The following EYS variants were observed in gnomAD, a reference collection of about 807,000 sequenced individuals.
EYS encodes the protein protein eyes shut homolog.
In EYS, 250 loss-of-function variants were observed where a neutral mutation model predicts 282.1. That is an observed-to-expected ratio of 0.89 (90% CI 0.80 to 0.98). The LOEUF (loss-of-function observed/expected upper bound fraction) is 0.98, where lower values mean the gene tolerates loss of function less well. Among genes scored for constraint, EYS ranks in the 50% least tolerant of loss-of-function variants. EYS has a pLI of 0.00. For missense variants in EYS, 4,016 were observed against 3,709.0 expected, an observed-to-expected ratio of 1.08 and a Z score of -2.15; for synonymous variants, 1,355 against 1,282.9, an observed-to-expected ratio of 1.06 and a Z score of -1.20.
intron 7 of EYS, among the ~76,000 whole-genome samples, chr6:65,387,955 T>C (rs1443635446): frequency 6.6e-6 from 1 of 152,048 alleles, no homozygotes; most frequent in East Asian, 1.9e-4. Context: ...CCTATTCCGC[T>C]ACTTGGGCAA....
At chr6:64,660,681 G>A (rs1768975748) in intron 22 of EYS, among the ~76,000 whole-genome samples, 1 of 152,060 alleles carries the variant, frequency 6.6e-6, no homozygotes, top group Admixed American at 6.5e-5. Flanking sequence ...AATTTACAAG[G>A]GATGTGAAGG....
At chr6:63,943,238 C>G (rs1765295845) in intron 35 of EYS, among the ~76,000 whole-genome samples, 1 of 152,184 alleles carries the variant, frequency 6.6e-6, no homozygotes, top group South Asian at 2.1e-4. Flanking sequence ...AAAGACAAGA[C>G]TCTCCAAATA....
intron 22 of EYS, among the ~76,000 whole-genome samples, chr6:64,797,167 G>T (rs1774378662): frequency 6.6e-6 from 1 of 152,032 alleles, no homozygotes. Context: ...GCAGAGTTTG[G>T]CAGCAAACAA....
chr6:64,057,200 A>T (rs1400437956), intron 33 of EYS, among the ~76,000 whole-genome samples: 3 of 152,166 alleles, frequency 2.0e-5, no homozygotes, highest in African/African-American at 7.2e-5. Context: ...TAAATCTTTT[A>T]AAAAGCATTA....
chr6:64,560,063 T>A (rs1445156055), intron 26 of EYS, among the ~76,000 whole-genome samples: 3 of 152,172 alleles, frequency 2.0e-5, no homozygotes, highest in Non-Finnish European at 4.4e-5. Context: ...AAAGTTAGCA[T>A]AAAATTTGTG....
chr6:64,288,118 G>T (rs1768562860), intron 30 of EYS, among the ~76,000 whole-genome samples: 1 of 152,104 alleles, frequency 6.6e-6, no homozygotes, highest in South Asian at 2.1e-4. Context: ...GCATTTCATG[G>T]ATTGACAACT....
At chr6:64,698,191 C>T (rs1479770556) in intron 22 of EYS, among the ~76,000 whole-genome samples, 2 of 151,808 alleles carry the variant, frequency 1.3e-5, no homozygotes, top group East Asian at 3.9e-4. Context: ...AAAAGCAGTG[C>T]TAAGAGAGAA....
At chr6:65,420,266 A>G (rs1222309874) in intron 5 of EYS, among the ~76,000 whole-genome samples, 1 of 151,996 alleles carries the variant, frequency 6.6e-6, no homozygotes, top group Non-Finnish European at 1.5e-5. Context: ...AACCAAATTT[A>G]TGTAATATTC....
At chr6:63,764,963 C>G (rs962352164) in intron 40 of EYS, among the ~76,000 whole-genome samples, 3 of 151,930 alleles carry the variant, frequency 2.0e-5, no homozygotes, top group Admixed American at 6.6e-5. Context: ...ATTAGTTATT[C>G]TCTACTTTGG....
At chr6:63,791,541 G>A (rs1365714885) in intron 37 of EYS, among the ~76,000 whole-genome samples, 1 of 146,542 alleles carries the variant, frequency 6.8e-6, no homozygotes, top group African/African-American at 2.5e-5. Flanking sequence ...TCGTACCACT[G>A]CACTCCAGCC....
chr6:65,182,236 AC>A (rs1391346354), intron 12 of EYS, among the ~76,000 whole-genome samples: 2 of 151,088 alleles, frequency 1.3e-5, no homozygotes, highest in Non-Finnish European at 3.0e-5. Context: ...AAATAAAAAA[AC>A]AAATCCAACT....
intron 26 of EYS, among the ~76,000 whole-genome samples, chr6:64,468,825 G>C (rs559864176): frequency 6.6e-6 from 1 of 152,272 alleles, no homozygotes; most frequent in East Asian, 1.9e-4. Context: ...TTGCTGTAAA[G>C]GACATTACCT....
chr6:65,515,747 C>A (rs12199163), intron 2 of EYS, among the ~76,000 whole-genome samples: 27,608 of 136,142 alleles, frequency 0.2, 3,283 homozygotes, highest in Middle Eastern at 0.36. Flanking sequence ...ACAATGAGAA[C>A]ACACGGACAC....
intron 12 of EYS, among the ~76,000 whole-genome samples, chr6:65,242,160 C>T (rs1299470169): frequency 6.6e-6 from 1 of 151,954 alleles, no homozygotes; most frequent in Non-Finnish European, 1.5e-5. Context: ...ACGAACTATA[C>T]ACTTTACCAT....
In EYS at chr6:65,317,797, C is replaced by T. The variant is rs1479126826; in HGVS notation, c.1766+17183G>A. Among the ~76,000 whole-genome samples, 135 of 29,800 alleles carry T rather than the reference C, an allele frequency of 4.5e-3. 1 individual carries two copies. Among genetic ancestry groups the T allele is most frequent in the African/African-American group, 0.023 (122 of 5,330 alleles). 19.5% of individuals were successfully genotyped at this position (29,800 alleles called of 152,430 possible). A position where few individuals can be genotyped will look rare whatever the true frequency, so the allele number is the denominator to read the frequency against. ...TTTTCTCTTCCTTCCTTCCTTCCTT[C>T]CTTCCTTCCTTCCTTCCTTCCTTCC... On this transcript the variant is annotated intron_variant, in intron 11 of 42. Transcript: ENST00000503581.
intron 22 of EYS, among the ~76,000 whole-genome samples, chr6:64,634,900 A>T (rs1429029591): frequency 1.3e-5 from 2 of 152,184 alleles, no homozygotes; most frequent in Non-Finnish European, 2.9e-5. Flanking sequence ...TTGAATCTGT[A>T]AATTACCTTG....
At position 64,746,153 on chromosome 6, in the gene EYS, GC is replaced by G. The variant is rs1772549253; in HGVS notation, c.3443+67224del. On this transcript the variant is annotated intron_variant, in intron 22 of 42. Transcript: ENST00000503581. ...TTGTTACAAGGGCAATTAAATTTCA[GC>G]ATGAGTTTCAACCAAAACTCGTGTT... is the stretch of plus-strand genomic sequence containing the variant. Among the ~76,000 whole-genome samples, 5 of 151,996 alleles carry G rather than the reference GC, an allele frequency of 3.3e-5. No individual in the cohort carries two copies. The South Asian group carries it at 1.0e-3, about 32-fold the overall frequency.
chr6:65,520,143 G>C (rs1474106660), intron 2 of EYS, among the ~76,000 whole-genome samples: 1 of 152,050 alleles, frequency 6.6e-6, no homozygotes, highest in South Asian at 2.1e-4. Context: ...TAAAATAATT[G>C]TGTTATATAG....
chr6:65,180,428 C>G (rs1199698625), intron 12 of EYS, among the ~76,000 whole-genome samples: 1 of 151,830 alleles, frequency 6.6e-6, no homozygotes, highest in Non-Finnish European at 1.5e-5. Flanking sequence ...AAACAGAGAG[C>G]CAAATCATGA....
Sources: gnomAD v4.1 joint callset for allele counts (sites outside exome capture counted in the v4.1 genomes callset) on GRCh38, gnomAD v4.1.1 for gene constraint, MANE v1.5 for transcripts, NCBI Gene and HGNC (gene_info 2026-07-23, HGNC 2026-07-21) for gene names.